Variants in IGF2BP2 observed in about 807,000 individuals in gnomAD.
IGF2BP2 encodes insulin like growth factor 2 mRNA binding protein 2.
IGF2BP2 carries 17 observed loss-of-function variants against 75.8 expected under a neutral mutation model. The ratio of observed to expected loss-of-function variants is 0.22; its 90% CI spans 0.15 to 0.34. IGF2BP2 has a LOEUF of 0.34. Ranked by LOEUF, IGF2BP2 falls within the 10% of genes least tolerant of loss-of-function variation. The pLI is 1.00. For synonymous variants in IGF2BP2, 288 were observed against 295.6 expected (o/e 0.97, Z 0.26); for missense variants, 516 against 772.4 (o/e 0.67, Z 3.93).
At chr3:185,670,909 C>A (rs541694658) in intron 10 of IGF2BP2, among the ~76,000 whole-genome samples, 3 of 152,260 alleles carry the variant, frequency 2.0e-5, no homozygotes, top group Admixed American at 6.5e-5. Context: ...TTATTATGCC[C>A]TTTTTCTCTC....
intron 2 of IGF2BP2, among the ~76,000 whole-genome samples, chr3:185,701,335 A>AT (rs568816094): frequency 1.4e-5 from 2 of 145,746 alleles, no homozygotes; most frequent in Admixed American, 7.1e-5. Context: ...TACAAGACTT[A>AT]TTTTTTTTAA....
chr3:185,697,975 C>T (rs1055290808), intron 3 of IGF2BP2, among the ~76,000 whole-genome samples: 18 of 152,164 alleles, frequency 1.2e-4, no homozygotes, highest in Non-Finnish European at 1.6e-4. Flanking sequence ...CAAAGTGAGA[C>T]ACTGTCTCAA....
intron 13 of IGF2BP2, among the ~76,000 whole-genome samples, chr3:185,650,603 A>C (rs565921082): frequency 6.6e-6 from 1 of 151,956 alleles, no homozygotes; most frequent in Non-Finnish European, 1.5e-5. Flanking sequence ...CTTGAACCCG[A>C]GAGATGGAGG....
At chr3:185,746,697 CA>C (rs1730295818) in intron 2 of IGF2BP2, among the ~76,000 whole-genome samples, 1 of 152,206 alleles carries the variant, frequency 6.6e-6, no homozygotes, top group Non-Finnish European at 1.5e-5. Flanking sequence ...AAACATATAT[CA>C]TATTATGCAA....
In IGF2BP2 at chr3:185,658,401, G is replaced by T. The variant is rs746178228; in HGVS notation, c.1209C>A (p.Ser403=). The T allele has an allele frequency of 2.5e-6, 4 of 1,613,816 alleles. No homozygotes were observed. The highest frequency in any genetic ancestry group is 3.4e-6 in the Non-Finnish European group (4 of 1,179,822). Residue 403 remains serine, a synonymous_variant, in exon 11 of 16, where the codon TCC becomes TCA. Transcript: ENST00000382199. The part of the protein sequence containing the change: ...AAPYHPFTTH[S]GYFSSLYPHH... ...GGGGGTACAGGCTGGAGAAGTATCC[G>T]GAGTGGGTCTGCAGCATGAGAGAAA...
At chr3:185,757,774 A>G (rs1389472509) in intron 2 of IGF2BP2, among the ~76,000 whole-genome samples, 1 of 152,132 alleles carries the variant, frequency 6.6e-6, no homozygotes, top group Non-Finnish European at 1.5e-5. Flanking sequence ...TAGCTCATGT[A>G]TTTTTAAAAA....
chr3:185,768,575 A>C (rs1733418219), intron 2 of IGF2BP2, among the ~76,000 whole-genome samples: 1 of 152,244 alleles, frequency 6.6e-6, no homozygotes, highest in East Asian at 1.9e-4. Flanking sequence ...ACATATAAAA[A>C]TGATATAAAT....
At chr3:185,654,616 G>T (rs1715137171) in intron 12 of IGF2BP2, among the ~76,000 whole-genome samples, 1 of 152,166 alleles carries the variant, frequency 6.6e-6, no homozygotes, top group East Asian at 1.9e-4. Context: ...GAAGTCGGAG[G>T]GCTACTTGTG....
chr3:185,723,025 GA>G (rs1398721349), intron 2 of IGF2BP2, among the ~76,000 whole-genome samples: 1 of 152,140 alleles, frequency 6.6e-6, no homozygotes, highest in Non-Finnish European at 1.5e-5. Context: ...TGCTAAATAA[GA>G]GTTGAAAACT....
chr3:185,708,335 A>G (rs1724337109), intron 2 of IGF2BP2, among the ~76,000 whole-genome samples: 1 of 152,138 alleles, frequency 6.6e-6, no homozygotes, highest in Admixed American at 6.5e-5. Context: ...CCACTGGCAA[A>G]CCTTAAGAAA....
chr3:185,665,550 GGAGGAGGAGA>G lies in IGF2BP2; in HGVS notation c.1200+6981_1200+6990del, dbSNP rs1403517021. Among the ~76,000 whole-genome samples the G allele has an allele frequency of 1.1e-3, 169 of 148,800 alleles. 2 individuals carry two copies. The highest frequency in any genetic ancestry group is 3.9e-3 in the African/African-American group (159 of 40,642). ...AGGAGGAGAAGGAGGAGGAGGAGAA[GGAGGAGGAGA>G]AGGAGAAGGAGAAGAAGGAGAAAAG... On this transcript the variant is annotated intron_variant, in intron 10 of 15. Transcript: ENST00000382199.
At chr3:185,757,472 T>C (rs1452446209) in intron 2 of IGF2BP2, among the ~76,000 whole-genome samples, 2 of 148,946 alleles carry the variant, frequency 1.3e-5, no homozygotes, top group Non-Finnish European at 3.0e-5. Flanking sequence ...TTTTTTTTTT[T>C]TTTTTTTTTT....
At chr3:185,715,802 C>A (rs1304450788) in intron 2 of IGF2BP2, among the ~76,000 whole-genome samples, 1 of 152,102 alleles carries the variant, frequency 6.6e-6, no homozygotes, top group African/African-American at 2.4e-5. Flanking sequence ...CGTCACCACA[C>A]CCAGCTAATT....
chr3:185,712,880 G>A (rs1289079580), intron 2 of IGF2BP2, among the ~76,000 whole-genome samples: 1 of 152,126 alleles, frequency 6.6e-6, no homozygotes, highest in Non-Finnish European at 1.5e-5. Flanking sequence ...CTCTACTTGT[G>A]TCATGACCCT....
chr3:185,743,719 C>T (rs1235067741), intron 2 of IGF2BP2, among the ~76,000 whole-genome samples: 2 of 152,166 alleles, frequency 1.3e-5, no homozygotes, highest in Admixed American at 6.6e-5. Flanking sequence ...CAATCCATTG[C>T]CTCTTTTGAA....
At chr3:185,824,538 G>C (rs1300743380) in intron 1 of IGF2BP2, among the ~76,000 whole-genome samples, 1 of 150,878 alleles carries the variant, frequency 6.6e-6, no homozygotes, top group East Asian at 2.0e-4. Context: ...CCTTCGGAGC[G>C]GCACGGGGGG....
chr3:185,784,314 T>G (rs553140563), intron 2 of IGF2BP2, among the ~76,000 whole-genome samples: 22 of 151,384 alleles, frequency 1.5e-4, no homozygotes, highest in African/African-American at 5.4e-4. Context: ...AGAGGTCACT[T>G]TGATCGAAAC....
intron 2 of IGF2BP2, among the ~76,000 whole-genome samples, chr3:185,714,070 T>C (rs1578068243): frequency 1.3e-5 from 2 of 152,222 alleles, no homozygotes; most frequent in East Asian, 1.9e-4. Flanking sequence ...TTCTCTCTTC[T>C]ACATCTATAC....
In IGF2BP2 at chr3:185,800,240, A is replaced by G. The variant is rs143791530; in HGVS notation, c.239+22913T>C. 3.4e-3 allele frequency among the ~76,000 whole-genome samples: 519 copies of G among 152,212 alleles called. 1 individual carries two copies. Among genetic ancestry groups the G allele is most frequent in the African/African-American group, 0.012 (501 of 41,540 alleles). On this transcript the variant is annotated intron_variant, in intron 2 of 15. Transcript: ENST00000382199. The stretch of plus-strand genomic sequence containing the variant: ...GGAAATGAACAATGAGAACACTTGG[A>G]CACAAAGCGGGGAACGTCATAGACC...
Sources: gnomAD v4.1 joint callset for allele counts (sites outside exome capture counted in the v4.1 genomes callset) on GRCh38, gnomAD v4.1.1 for gene constraint, MANE v1.5 for transcripts, NCBI Gene and HGNC (gene_info 2026-07-23, HGNC 2026-07-21) for gene names.